Variants in BANK1 observed in about 807,000 individuals in gnomAD.
BANK1 encodes B-cell scaffold protein with ankyrin repeats.
A neutral mutation model predicts 94.5 loss-of-function variants in BANK1; 95 were observed. The observed-to-expected ratio is 1.00, with a 90% CI of 0.85 to 1.19. BANK1 has a LOEUF of 1.19. BANK1 is among the 50% of genes most tolerant of loss of function. BANK1 has a pLI of 0.00. For missense variants in BANK1, 987 were observed against 932.2 expected (o/e 1.06, Z -0.77); for synonymous variants, 334 against 308.4 (o/e 1.08, Z -0.87).
chr4:101,830,060 C>T lies in BANK1; in HGVS notation c.323C>T (p.Pro108Leu). ...CQFLEKILHS[P>L]KSVVTLLCGV... Reference sequence around the variant, plus strand: ...TTTCTGGAAAAGATACTTCATTCACCAAAAAGTGTAGTTACTTTGCTTTGT... The same window carrying T: ...TTTCTGGAAAAGATACTTCATTCACTAAAAAGTGTAGTTACTTTGCTTTGT... Residue 108 changes from proline (P) to leucine (L), a missense_variant, in exon 2 of 17, where the codon CCA becomes CTA. Physicochemically the swap from Pro to Leu is moderately conservative, Grantham distance 98. Coordinates refer to ENST00000322953, the MANE Select transcript of BANK1 (RefSeq NM_017935.5). 6.2e-7 allele frequency: 1 copy of T among 1,613,498 alleles called. No individual in the cohort carries two copies. The highest frequency in any genetic ancestry group is 8.5e-7 in the Non-Finnish European group (1 of 1,179,810).
intron 7 of BANK1, among the ~76,000 whole-genome samples, chr4:101,926,493 A>T (rs1211969123): frequency 1.3e-5 from 2 of 151,782 alleles, no homozygotes; most frequent in Admixed American, 1.3e-4. Flanking sequence ...TTTAACAAAT[A>T]GATTGATTGA....
intron 7 of BANK1, chr4:101,981,913 C>T (rs555136997): frequency 6.6e-6 from 1 of 152,230 alleles, no homozygotes; most frequent in Admixed American, 6.5e-5. Flanking sequence ...TGTAGTAACC[C>T]TGTCACCGTC....
chr4:101,806,423 T>C (rs1008893232), intron 1 of BANK1, among the ~76,000 whole-genome samples: 3 of 152,198 alleles, frequency 2.0e-5, no homozygotes, highest in African/African-American at 7.2e-5. Context: ...AAGACGACTA[T>C]TAATTAATCT....
At chr4:101,859,397 G>A (rs558456113) in intron 3 of BANK1, among the ~76,000 whole-genome samples, 2 of 152,280 alleles carry the variant, frequency 1.3e-5, no homozygotes, top group East Asian at 1.9e-4. Flanking sequence ...ATGCCACATT[G>A]CAGACCAGAT....
chr4:102,035,109 T>C (rs1226403405), intron 10 of BANK1, among the ~76,000 whole-genome samples: 1 of 152,148 alleles, frequency 6.6e-6, no homozygotes, highest in Non-Finnish European at 1.5e-5. Flanking sequence ...GAAGACTTCA[T>C]TAACACTCTG....
At chr4:102,050,318 T>C (rs1728004248) in intron 11 of BANK1, among the ~76,000 whole-genome samples, 1 of 152,174 alleles carries the variant, frequency 6.6e-6, no homozygotes, top group Middle Eastern at 3.2e-3. Flanking sequence ...GGTAAGTTTC[T>C]GTGGGTAGGA....
chr4:101,813,410 T>C (rs1379513513), intron 1 of BANK1, among the ~76,000 whole-genome samples: 1 of 152,224 alleles, frequency 6.6e-6, no homozygotes, highest in African/African-American at 2.4e-5. Flanking sequence ...AAAAAAATTG[T>C]GACTGTAATC....
intron 6 of BANK1, among the ~76,000 whole-genome samples, chr4:101,899,187 T>C (rs1247183297): frequency 1.3e-5 from 2 of 151,982 alleles, no homozygotes; most frequent in Admixed American, 6.6e-5. Flanking sequence ...GTATTTTTTC[T>C]GGGATGAAAA....
At chr4:101,883,808 C>T (rs1728759047) in intron 5 of BANK1, among the ~76,000 whole-genome samples, 1 of 152,196 alleles carries the variant, frequency 6.6e-6, no homozygotes, top group Non-Finnish European at 1.5e-5. Context: ...TTCTTTACAA[C>T]TACTATTCCA....
chr4:101,973,179 A>C (rs550104006), intron 7 of BANK1, among the ~76,000 whole-genome samples: 1 of 152,212 alleles, frequency 6.6e-6, no homozygotes, highest in South Asian at 2.1e-4. Flanking sequence ...CAAGTATTTG[A>C]GGTGATGGAT....
At chr4:101,909,337 A>G (rs1049039347) in intron 6 of BANK1, among the ~76,000 whole-genome samples, 8 of 152,204 alleles carry the variant, frequency 5.3e-5, no homozygotes, top group Admixed American at 5.2e-4. Context: ...GTGAGAATTG[A>G]ACAATGAGAA....
In BANK1 at chr4:101,951,325, A is replaced by AAAAC. The variant is rs149418743; in HGVS notation, c.1206+33138_1206+33141dup. On this transcript the variant is annotated intron_variant, in intron 7 of 16. Coordinates refer to ENST00000322953, the MANE Select transcript of BANK1 (RefSeq NM_017935.5). ...TGTTAAGAACTTAGAGCTTTTTTAA[A>AAAAC]AAACAGAGGAAATGTCTTTTTATAA... Among the ~76,000 whole-genome samples the AAAAC allele has an allele frequency of 5.7e-3, 866 of 152,268 alleles. 15 individuals carry two copies. In the East Asian group the frequency reaches 0.057, roughly 10 times the overall value.
At chr4:101,941,058 A>G (rs1723726870) in intron 7 of BANK1, among the ~76,000 whole-genome samples, 1 of 151,686 alleles carries the variant, frequency 6.6e-6, no homozygotes, top group African/African-American at 2.4e-5. Context: ...ATTTATTTAT[A>G]TCTGTATGAA....
At chr4:101,925,763 TA>T (rs1723133434) in intron 7 of BANK1, among the ~76,000 whole-genome samples, 2 of 151,756 alleles carry the variant, frequency 1.3e-5, no homozygotes, top group South Asian at 4.1e-4. Context: ...AGAAGCCTTC[TA>T]AACTTTAGTT....
intron 6 of BANK1, among the ~76,000 whole-genome samples, chr4:101,902,405 AATT>A (rs1193196436): frequency 1.3e-5 from 2 of 152,214 alleles, no homozygotes; most frequent in African/African-American, 2.4e-5. Context: ...CTAAGAAATA[AATT>A]ATTATAAATA....
chr4:101,956,825 A>G (rs1724363416), intron 7 of BANK1, among the ~76,000 whole-genome samples: 3 of 152,228 alleles, frequency 2.0e-5, no homozygotes, highest in African/African-American at 7.2e-5. Context: ...AGAATTATAT[A>G]GAAGGGAGAA....
intron 5 of BANK1, among the ~76,000 whole-genome samples, chr4:101,883,395 T>A (rs1728744819): frequency 6.6e-6 from 1 of 152,232 alleles, no homozygotes; most frequent in Non-Finnish European, 1.5e-5. Flanking sequence ...CTCTACAATT[T>A]TTTAAATCTT....
At chr4:101,800,095 C>T (rs1243234119) in intron 1 of BANK1, among the ~76,000 whole-genome samples, 3 of 121,226 alleles carry the variant, frequency 2.5e-5, no homozygotes, top group African/African-American at 3.3e-5. Context: ...AATACTTGGA[C>T]GCAGGATGCG....
At chr4:101,958,174 G>A (rs796932773) in intron 7 of BANK1, among the ~76,000 whole-genome samples, 2 of 152,142 alleles carry the variant, frequency 1.3e-5, no homozygotes, top group African/African-American at 4.8e-5. Context: ...GTCAATGTTT[G>A]TTTATACTTA....
Sources: allele counts gnomAD v4.1 joint callset (sites outside exome capture counted in the v4.1 genomes callset), GRCh38; gene constraint gnomAD v4.1.1; transcripts MANE v1.5; gene names NCBI Gene and HGNC (gene_info 2026-07-23, HGNC 2026-07-21).